Variants in CHCHD6 observed in about 807,000 individuals in gnomAD.
The protein encoded by CHCHD6 is MICOS complex subunit MIC25.
Under a neutral mutation model 32.3 loss-of-function variants are expected in CHCHD6, and 28 were observed. That is an observed-to-expected ratio of 0.87 (90% CI 0.64 to 1.19). CHCHD6 has a LOEUF of 1.19. Ranked by LOEUF, CHCHD6 falls within the 50% of genes most tolerant of loss-of-function variation. The pLI, the probability that CHCHD6 is intolerant of heterozygous loss-of-function variation, is 0.00. For missense variants in CHCHD6, 333 were observed against 307.0 expected (o/e 1.08, Z -0.63); for synonymous variants, 122 against 117.5 (o/e 1.04, Z -0.25).
At chr3:126,935,207 A>G in intron 6 of CHCHD6, 2 of 967,610 alleles carry the variant, frequency 2.1e-6, no homozygotes, top group East Asian at 1.1e-4. Flanking sequence ...GCGGGATGGC[A>G]GGGCTGGCAT....
chr3:126,950,294 A>G (rs2078698837), intron 6 of CHCHD6, among the ~76,000 whole-genome samples: 1 of 151,420 alleles, frequency 6.6e-6, no homozygotes, highest in African/African-American at 2.4e-5. Context: ...GAGGCCTCTC[A>G]TAGAGGGAAG....
Position 126,893,584 on chromosome 3 carries a change from A to G in CHCHD6, c.496-21096A>G, listed in dbSNP as rs543591404. Among the ~76,000 whole-genome samples, 3 of 152,366 alleles carry G rather than the reference A, an allele frequency of 2.0e-5. No individual in the cohort carries two copies. The East Asian group carries it at 5.8e-4, about 29-fold the overall frequency. On this transcript the variant is annotated intron_variant, in intron 5 of 7. Transcript: ENST00000290913. ...TATTACAAAAGATAAAATGACATCA[A>G]TGCAATGATAGCAGGGCTCCAGATT...
chr3:126,907,884 G>A (rs185919834), intron 5 of CHCHD6, among the ~76,000 whole-genome samples: 50 of 152,270 alleles, frequency 3.3e-4, no homozygotes, highest in Admixed American at 3.2e-3. Flanking sequence ...CTTCCCAAGG[G>A]ACAGCTGGGT....
At chr3:126,777,683 C>T (rs1209948502) in intron 4 of CHCHD6, among the ~76,000 whole-genome samples, 1 of 152,188 alleles carries the variant, frequency 6.6e-6, no homozygotes, top group African/African-American at 2.4e-5. Flanking sequence ...CGTTGAGCTC[C>T]TTTCCAAGGC....
chr3:126,852,530 A>G, intron 4 of CHCHD6, 117 bp from the exon 5 acceptor site: 1 of 703,544 alleles, frequency 1.4e-6, no homozygotes, highest in East Asian at 2.7e-5. Flanking sequence ...TTTTCAACTC[A>G]TTATTGCTAC....
chr3:126,937,887 A>C (rs2078504931), intron 6 of CHCHD6, among the ~76,000 whole-genome samples: 1 of 152,130 alleles, frequency 6.6e-6, no homozygotes, highest in South Asian at 2.1e-4. Context: ...CGGGATTTCA[A>C]TAACTGCTGG....
chr3:126,843,181 G>A (rs1048277541), intron 4 of CHCHD6, among the ~76,000 whole-genome samples: 6 of 152,156 alleles, frequency 3.9e-5, no homozygotes, highest in South Asian at 2.1e-4. Flanking sequence ...GAAAATGATC[G>A]TATGATTGTC....
At chr3:126,772,188 G>A (rs1004253391) in intron 4 of CHCHD6, among the ~76,000 whole-genome samples, 5 of 152,034 alleles carry the variant, frequency 3.3e-5, no homozygotes, top group Admixed American at 2.0e-4. Context: ...TGCAAGCTCC[G>A]CCTCCTGGGT....
At chr3:126,833,374 A>G (rs1940718570) in intron 4 of CHCHD6, among the ~76,000 whole-genome samples, 1 of 152,244 alleles carries the variant, frequency 6.6e-6, no homozygotes, top group Admixed American at 6.5e-5. Flanking sequence ...TACCTCCCTG[A>G]AAGACAGAAG....
chr3:126,911,990 T>A (rs1194608396), intron 5 of CHCHD6, among the ~76,000 whole-genome samples: 1 of 152,066 alleles, frequency 6.6e-6, no homozygotes, highest in Non-Finnish European at 1.5e-5. Flanking sequence ...CAGGATGAAT[T>A]GTGGGGGGCG....
intron 4 of CHCHD6, among the ~76,000 whole-genome samples, chr3:126,783,107 A>G (rs753438993): frequency 8.5e-5 from 13 of 152,156 alleles, no homozygotes; most frequent in Non-Finnish European, 1.2e-4. Context: ...CCCCTACCCC[A>G]TAGCCTCTGG....
intron 4 of CHCHD6, among the ~76,000 whole-genome samples, chr3:126,810,460 G>A (rs747516424): frequency 6.6e-6 from 1 of 152,202 alleles, no homozygotes; most frequent in Non-Finnish European, 1.5e-5. Flanking sequence ...GATGAGCCAA[G>A]TACTACAGTT....
At chr3:126,943,155 C>A (rs532145670) in intron 6 of CHCHD6, among the ~76,000 whole-genome samples, 1 of 152,314 alleles carries the variant, frequency 6.6e-6, no homozygotes, top group East Asian at 1.9e-4. Flanking sequence ...CTGGACCCCA[C>A]CGGCTGCCTT....
At chr3:126,792,778 GTTC>G (rs1295023921) in intron 4 of CHCHD6, among the ~76,000 whole-genome samples, 1 of 152,064 alleles carries the variant, frequency 6.6e-6, no homozygotes, top group African/African-American at 2.4e-5. Flanking sequence ...TTGTTGTTCA[GTTC>G]TTCTATATTC....
At chr3:126,828,734 C>T (rs574820195) in intron 4 of CHCHD6, among the ~76,000 whole-genome samples, 1 of 152,294 alleles carries the variant, frequency 6.6e-6, no homozygotes, top group South Asian at 2.1e-4. Flanking sequence ...CCCCTTCAGT[C>T]CAGGGTCTAC....
chr3:126,785,903 G>A (rs1213563101), intron 4 of CHCHD6, among the ~76,000 whole-genome samples: 1 of 152,112 alleles, frequency 6.6e-6, no homozygotes, highest in Non-Finnish European at 1.5e-5. Context: ...ATGTATACAT[G>A]TGCCATGTTG....
Position 126,773,411 on chromosome 3 carries a change from G to C in CHCHD6, c.411+40189G>C, listed in dbSNP as rs76817558. Among the ~76,000 whole-genome samples, 167 of 152,262 alleles carry C rather than the reference G, an allele frequency of 1.1e-3. 1 individual carries two copies. In the East Asian group the frequency reaches 0.029, roughly 26 times the overall value. ...GTGCTCCCTGTGGAACCAAGGACCA[G>C]AGTCTCACGTTGGGAATGTGGCTAC... On this transcript the variant is annotated intron_variant, in intron 4 of 7. Coordinates refer to ENST00000290913, the MANE Select transcript of CHCHD6 (RefSeq NM_032343.3).
chr3:126,779,535 C>CAAA (rs11288509), intron 4 of CHCHD6, among the ~76,000 whole-genome samples: 51 of 78,012 alleles, frequency 6.5e-4, no homozygotes, highest in East Asian at 1.7e-3. Flanking sequence ...GACTCCATCT[C>CAAA]AAAAAAAAAA....
intron 6 of CHCHD6, among the ~76,000 whole-genome samples, chr3:126,951,123 G>A (rs1388891877): frequency 2.6e-5 from 4 of 152,296 alleles, no homozygotes; most frequent in African/African-American, 4.8e-5. Flanking sequence ...TCTCATGATG[G>A]TGAGTTCTCG....
Sources: allele counts gnomAD v4.1 joint callset (sites outside exome capture counted in the v4.1 genomes callset), GRCh38; gene constraint gnomAD v4.1.1; transcripts MANE v1.5; gene names NCBI Gene and HGNC (gene_info 2026-07-23, HGNC 2026-07-21).